AUTS2: variants seen among roughly 807,000 people sequenced by gnomAD.
AUTS2 encodes the protein autism susceptibility gene 2 protein.
A neutral mutation model predicts 112.4 loss-of-function variants in AUTS2; 17 were observed. That is an observed-to-expected ratio of 0.15 (90% CI 0.10 to 0.23). The LOEUF (loss-of-function observed/expected upper bound fraction) is 0.23, where lower values mean the gene tolerates loss of function less well. Among genes scored for constraint, AUTS2 ranks in the 10% least tolerant of loss-of-function variants. The pLI, the probability that AUTS2 is intolerant of heterozygous loss-of-function variation, is 1.00. For synonymous variants in AUTS2, 751 were observed against 702.7 expected, an observed-to-expected ratio of 1.07 and a Z score of -1.09; for missense variants, 1,510 against 1,701.6, an observed-to-expected ratio of 0.89 and a Z score of 1.98.
At chr7:70,646,823 G>A (rs967634517) in intron 5 of AUTS2, among the ~76,000 whole-genome samples, 1 of 152,238 alleles carries the variant, frequency 6.6e-6, no homozygotes, top group African/African-American at 2.4e-5. Flanking sequence ...CCAGAAGCTG[G>A]GGCCAGGACC....
chr7:70,448,018 T>G (rs1346764965), intron 5 of AUTS2, among the ~76,000 whole-genome samples: 2 of 152,204 alleles, frequency 1.3e-5, no homozygotes, highest in African/African-American at 2.4e-5. Flanking sequence ...TAAGGTTGTC[T>G]CCCAGTAATT....
At chr7:70,407,043 A>G (rs1364143972) in intron 4 of AUTS2, among the ~76,000 whole-genome samples, 2 of 152,174 alleles carry the variant, frequency 1.3e-5, no homozygotes, top group African/African-American at 2.4e-5. Flanking sequence ...TGGCCAAATA[A>G]TCGGTAAGTT....
chr7:70,580,094 C>T (rs1213952158), intron 5 of AUTS2, among the ~76,000 whole-genome samples: 1 of 152,134 alleles, frequency 6.6e-6, no homozygotes, highest in African/African-American at 2.4e-5. Flanking sequence ...GTAACCAGCA[C>T]TGACTCGGTG....
chr7:69,821,916 CAAAAAAAA>C (rs34912846), intron 1 of AUTS2, among the ~76,000 whole-genome samples: 2 of 76,828 alleles, frequency 2.6e-5, no homozygotes, highest in Non-Finnish European at 5.2e-5. Context: ...ACAGGGTCTC[CAAAAAAAA>C]AAAAAAAAAA....
At chr7:69,886,644 T>A (rs1794283948) in intron 1 of AUTS2, among the ~76,000 whole-genome samples, 1 of 152,162 alleles carries the variant, frequency 6.6e-6, no homozygotes, top group South Asian at 2.1e-4. Flanking sequence ...AATGGGCCAC[T>A]CTGTGAAGTA....
At chr7:69,763,705 A>G (rs930403837) in intron 1 of AUTS2, among the ~76,000 whole-genome samples, 2 of 152,188 alleles carry the variant, frequency 1.3e-5, no homozygotes, top group African/African-American at 4.8e-5. Context: ...TCCCTACTTC[A>G]TAGGGTGTTA....
chr7:70,033,471 G>A (rs1800869843), intron 2 of AUTS2, among the ~76,000 whole-genome samples: 1 of 152,188 alleles, frequency 6.6e-6, no homozygotes, highest in African/African-American at 2.4e-5. Flanking sequence ...CAAGATCTGT[G>A]TGGCTCTAGG....
chr7:69,763,805 T>C (rs999278275), intron 1 of AUTS2, among the ~76,000 whole-genome samples: 1 of 152,202 alleles, frequency 6.6e-6, no homozygotes, highest in African/African-American at 2.4e-5. Flanking sequence ...CACTTCTTCC[T>C]TGGTACATAG....
chr7:69,736,396 G>A (rs1240296195), intron 1 of AUTS2, among the ~76,000 whole-genome samples: 3 of 152,168 alleles, frequency 2.0e-5, no homozygotes, highest in African/African-American at 4.8e-5. Context: ...ATTTTCAGCC[G>A]GGATGTGCTC....
At chr7:70,622,331 C>G (rs1471687897) in intron 5 of AUTS2, among the ~76,000 whole-genome samples, 1 of 152,164 alleles carries the variant, frequency 6.6e-6, no homozygotes, top group Non-Finnish European at 1.5e-5. Context: ...CCTGGACTTT[C>G]ACCTCATCCT....
chr7:70,620,612 C>T (rs1475178985), intron 5 of AUTS2, among the ~76,000 whole-genome samples: 1 of 152,120 alleles, frequency 6.6e-6, no homozygotes, highest in Admixed American at 6.5e-5. Flanking sequence ...CCTTAGCGCC[C>T]TCAGGTCGTT....
intron 5 of AUTS2, among the ~76,000 whole-genome samples, chr7:70,523,434 A>T (rs1256818260): frequency 1.3e-5 from 2 of 152,250 alleles, no homozygotes; most frequent in East Asian, 3.8e-4. Context: ...TTCCTGGTCC[A>T]GGGCAGAGCC....
chr7:69,883,395 T>A (rs1242875214), intron 1 of AUTS2, among the ~76,000 whole-genome samples: 1 of 152,008 alleles, frequency 6.6e-6, no homozygotes, highest in East Asian at 1.9e-4. Context: ...AGATAACTGC[T>A]GAGAAGAAAA....
chr7:69,824,227 C>T (rs1289826878), intron 1 of AUTS2, among the ~76,000 whole-genome samples: 2 of 151,990 alleles, frequency 1.3e-5, no homozygotes, highest in Admixed American at 6.6e-5. Context: ...TCCTGGCTAA[C>T]ACGGTGAAAC....
At chr7:70,567,671 G>T (rs571921131) in intron 5 of AUTS2, among the ~76,000 whole-genome samples, 1 of 152,284 alleles carries the variant, frequency 6.6e-6, no homozygotes, top group Admixed American at 6.5e-5. Context: ...GCCGGCAGAA[G>T]CCCCAAAATG....
intron 1 of AUTS2, among the ~76,000 whole-genome samples, chr7:69,681,272 G>C (rs1233060282): frequency 1.3e-5 from 2 of 152,282 alleles, no homozygotes; most frequent in Non-Finnish European, 2.9e-5. Flanking sequence ...TATGTACCTG[G>C]AAGTGTGGGA....
intron 6 of AUTS2, among the ~76,000 whole-genome samples, chr7:70,747,600 A>G (rs564352956): frequency 6.6e-6 from 1 of 152,236 alleles, no homozygotes; most frequent in East Asian, 1.9e-4. Flanking sequence ...CTGGGATTAC[A>G]GGAGCCCACC....
intron 3 of AUTS2, among the ~76,000 whole-genome samples, chr7:70,133,125 C>G (rs1806364964): frequency 6.6e-6 from 1 of 152,160 alleles, no homozygotes; most frequent in Admixed American, 6.6e-5. Context: ...GATCACACAT[C>G]TATGGTGCTT....
At chr7:70,555,052 A>G (rs1321150979) in intron 5 of AUTS2, among the ~76,000 whole-genome samples, 1 of 152,228 alleles carries the variant, frequency 6.6e-6, no homozygotes, top group Non-Finnish European at 1.5e-5. Flanking sequence ...AGATGGATAA[A>G]ATATGTCCTT....
Sources: allele counts gnomAD v4.1 joint callset (sites outside exome capture counted in the v4.1 genomes callset), GRCh38; gene constraint gnomAD v4.1.1; transcripts MANE v1.5; gene names NCBI Gene and HGNC (gene_info 2026-07-23, HGNC 2026-07-21).